GALNT17: variants seen among roughly 807,000 people sequenced by gnomAD.
GALNT17 encodes the protein polypeptide N-acetylgalactosaminyltransferase 17.
In GALNT17, 29 loss-of-function variants were observed where a neutral mutation model predicts 63.7. The ratio of observed to expected loss-of-function variants is 0.46; its 90% CI spans 0.34 to 0.62. The LOEUF is 0.62. Among genes scored for constraint, GALNT17 ranks in the 20% least tolerant of loss-of-function variants. GALNT17 has a pLI of 0.01. For synonymous variants in GALNT17, 305 were observed against 318.3 expected (o/e 0.96, Z 0.45); for missense variants, 603 against 799.6 (o/e 0.75, Z 2.97).
chr7:71,285,365 T>A (rs368228744), intron 1 of GALNT17, among the ~76,000 whole-genome samples: 10 of 152,356 alleles, frequency 6.6e-5, no homozygotes, highest in African/African-American at 2.4e-4. Flanking sequence ...AAATTCACTT[T>A]AGCTTCATAA....
intron 6 of GALNT17, among the ~76,000 whole-genome samples, chr7:71,619,323 G>C (rs148957096): frequency 6.6e-6 from 1 of 152,160 alleles, no homozygotes; most frequent in Non-Finnish European, 1.5e-5. Flanking sequence ...TTCTGATTCC[G>C]TGAAGAATGA....
chr7:71,364,031 A>G (rs995062234), intron 2 of GALNT17, among the ~76,000 whole-genome samples: 1 of 152,146 alleles, frequency 6.6e-6, no homozygotes, highest in African/African-American at 2.4e-5. Context: ...GTTTTTTTCC[A>G]TAAGTTATTG....
rs1584035941 is a variant in GALNT17 at position 71,540,794 on chromosome 7, T to A, written c.963-30491T>A. On this transcript the variant is annotated intron_variant, in intron 5 of 10. Coordinates refer to ENST00000333538, the MANE Select transcript of GALNT17 (RefSeq NM_022479.3). ...AGCAGGAGATTCAAACTGCCCCTGATGACAGCATTCACCAGTGGGCCATTT... is the reference window on the plus strand; with the variant it reads ...AGCAGGAGATTCAAACTGCCCCTGAAGACAGCATTCACCAGTGGGCCATTT... Among the ~76,000 whole-genome samples, 3 of 152,300 alleles carry A rather than the reference T, an allele frequency of 2.0e-5. No homozygotes were observed. The South Asian group carries it at 6.2e-4, about 32-fold the overall frequency.
intron 5 of GALNT17, among the ~76,000 whole-genome samples, chr7:71,516,146 A>G (rs1348975740): frequency 6.6e-6 from 1 of 152,162 alleles, no homozygotes; most frequent in Non-Finnish European, 1.5e-5. Context: ...GTCTTTCTCC[A>G]GAATCTGTAA....
chr7:71,622,971 C>G (rs1182454484), intron 6 of GALNT17, among the ~76,000 whole-genome samples: 1 of 152,188 alleles, frequency 6.6e-6, no homozygotes, highest in Admixed American at 6.5e-5. Context: ...CTCTGGACTC[C>G]ATCTTATGCT....
intron 5 of GALNT17, among the ~76,000 whole-genome samples, chr7:71,502,694 A>G (rs1208832492): frequency 6.6e-6 from 1 of 152,234 alleles, no homozygotes; most frequent in Non-Finnish European, 1.5e-5. Context: ...GATGTGAAGA[A>G]TACCTTAGAT....
intron 5 of GALNT17, among the ~76,000 whole-genome samples, chr7:71,469,482 G>C (rs925725980): frequency 3.3e-5 from 5 of 152,202 alleles, no homozygotes; most frequent in Admixed American, 2.6e-4. Flanking sequence ...CTCTGTCGCA[G>C]CTGCATTGTG....
intron 1 of GALNT17, among the ~76,000 whole-genome samples, chr7:71,216,591 TAC>T (rs1789483938): frequency 1.4e-5 from 1 of 69,020 alleles, no homozygotes. Context: ...TACACACACA[TAC>T]ATATCTACAC....
chr7:71,606,782 T>A (rs1202547769), intron 6 of GALNT17, among the ~76,000 whole-genome samples: 1 of 152,228 alleles, frequency 6.6e-6, no homozygotes, highest in Non-Finnish European at 1.5e-5. Context: ...CATACACATG[T>A]GGGAATCCCA....
intron 1 of GALNT17, among the ~76,000 whole-genome samples, chr7:71,296,718 G>GT (rs892285931): frequency 1.1e-4 from 16 of 148,700 alleles, no homozygotes; most frequent in East Asian, 3.9e-4. Flanking sequence ...AAAAAAACGT[G>GT]TTTTTTTTTA....
In GALNT17 at chr7:71,168,374, C is replaced by T. The variant is rs76875043; in HGVS notation, c.238+35334C>T. Among the ~76,000 whole-genome samples the T allele has an allele frequency of 3.1e-3, 478 of 152,184 alleles. 1 individual carries two copies. Among genetic ancestry groups the T allele is most frequent in the African/African-American group, 9.7e-3 (403 of 41,520 alleles). ...GGATCACGAGGTCAGGATTTCAAGA[C>T]CAGGCTGGCCAACATGGTGAAGCCC... is the stretch of plus-strand genomic sequence containing the variant. On this transcript the variant is annotated intron_variant, in intron 1 of 10. Coordinates refer to ENST00000333538, the MANE Select transcript of GALNT17 (RefSeq NM_022479.3).
chr7:71,542,390 C>G (rs971616074), intron 5 of GALNT17, among the ~76,000 whole-genome samples: 5 of 151,830 alleles, frequency 3.3e-5, no homozygotes, highest in African/African-American at 1.2e-4. Context: ...TTCTGCAACT[C>G]TAGGAGAAGT....
chr7:71,169,183 A>G (rs1184240593), intron 1 of GALNT17, among the ~76,000 whole-genome samples: 1 of 152,180 alleles, frequency 6.6e-6, no homozygotes, highest in African/African-American at 2.4e-5. Context: ...TACAGATTCT[A>G]TTAGGTTGTT....
chr7:71,547,753 C>G (rs1399670253), intron 5 of GALNT17, among the ~76,000 whole-genome samples: 3 of 152,086 alleles, frequency 2.0e-5, no homozygotes, highest in Non-Finnish European at 4.4e-5. Context: ...GCTTTTATTA[C>G]CCATTGTCTA....
intron 1 of GALNT17, among the ~76,000 whole-genome samples, chr7:71,263,391 T>C (rs1232736596): frequency 6.6e-6 from 1 of 152,078 alleles, no homozygotes; most frequent in Non-Finnish European, 1.5e-5. Flanking sequence ...GAAGCAATCT[T>C]GCAGCACTTT....
chr7:71,330,703 G>C (rs1791793235), intron 1 of GALNT17, among the ~76,000 whole-genome samples: 1 of 152,152 alleles, frequency 6.6e-6, no homozygotes, highest in African/African-American at 2.4e-5. Context: ...CACTTGGCCT[G>C]CTTGCTTCTT....
At chr7:71,217,883 G>A (rs548089810) in intron 1 of GALNT17, among the ~76,000 whole-genome samples, 41 of 151,226 alleles carry the variant, frequency 2.7e-4, no homozygotes, top group African/African-American at 9.0e-4. Context: ...AGCCGAGATC[G>A]CACCACTGCA....
chr7:71,639,810 C>CT (rs1310620600), intron 6 of GALNT17, among the ~76,000 whole-genome samples: 1 of 152,270 alleles, frequency 6.6e-6, no homozygotes, highest in Admixed American at 6.5e-5. Context: ...TCCATTATTG[C>CT]TTTGGCTGTT....
intron 1 of GALNT17, among the ~76,000 whole-genome samples, chr7:71,240,207 C>T (rs1055757247): frequency 2.6e-5 from 4 of 152,026 alleles, no homozygotes; most frequent in African/African-American, 4.8e-5. Flanking sequence ...CAGCCGAGAC[C>T]GGAGAATTGT....
Sources: gnomAD v4.1 joint callset for allele counts (sites outside exome capture counted in the v4.1 genomes callset) on GRCh38, gnomAD v4.1.1 for gene constraint, MANE v1.5 for transcripts, NCBI Gene and HGNC (gene_info 2026-07-23, HGNC 2026-07-21) for gene names.